KATNIP: variants seen among roughly 807,000 people sequenced by gnomAD.
KATNIP encodes katanin interacting protein, also known as katanin-interacting protein.
Under a neutral mutation model 174.0 loss-of-function variants are expected in KATNIP, and 126 were observed. The observed-to-expected ratio is 0.72, with a 90% CI of 0.63 to 0.84. The LOEUF (loss-of-function observed/expected upper bound fraction) is 0.84, where lower values mean the gene tolerates loss of function less well. Ranked by LOEUF, KATNIP falls within the 40% of genes least tolerant of loss-of-function variation. KATNIP has a pLI of 0.00. For missense variants in KATNIP, 1,958 were observed against 2,109.7 expected, an observed-to-expected ratio of 0.93 and a Z score of 1.41; for synonymous variants, 810 against 835.7, an observed-to-expected ratio of 0.97 and a Z score of 0.53.
At chr16:27,712,162 C>T (rs1435236906) in intron 13 of KATNIP, among the ~76,000 whole-genome samples, 3 of 152,272 alleles carry the variant, frequency 2.0e-5, no homozygotes, top group South Asian at 2.1e-4. Flanking sequence ...TGATGGTCCA[C>T]GGTTTTGGTG....
intron 1 of KATNIP, among the ~76,000 whole-genome samples, chr16:27,554,466 AG>A (rs1296431303): frequency 2.0e-5 from 3 of 152,336 alleles, no homozygotes; most frequent in South Asian, 2.1e-4. Flanking sequence ...CTGTCTCAAA[AG>A]AAAAAAAATT....
At chr16:27,550,481 A>G (rs1413219957) in intron 1 of KATNIP, among the ~76,000 whole-genome samples, 3 of 152,050 alleles carry the variant, frequency 2.0e-5, no homozygotes, top group African/African-American at 7.3e-5. Flanking sequence ...GGTCTTGTGA[A>G]TGTTGGGATG....
chr16:27,608,580 C>T (rs1377966714), intron 2 of KATNIP, among the ~76,000 whole-genome samples: 2 of 151,462 alleles, frequency 1.3e-5, no homozygotes, highest in Non-Finnish European at 2.9e-5. Flanking sequence ...TCTGGTGGCA[C>T]GGTCATAGCT....
chr16:27,778,593 C>G lies in KATNIP; in HGVS notation c.4821C>G (p.Cys1607Trp). 1.2e-6 allele frequency: 2 copies of G among 1,613,844 alleles called. No homozygotes were observed. Among genetic ancestry groups the G allele is most frequent in the Non-Finnish European group, 1.7e-6 (2 of 1,179,850 alleles). The part of the protein sequence containing the change: ...VVDPALRPKT[C>W]ISEKETRRRR... ...TGACAGCCTTACGTCCCAAAACCTG[C>G]ATCAGCGAGAAGGAGACGAGACGAC... Residue 1607 changes from cysteine to tryptophan, a missense_variant, in exon 28 of 28, where the codon TGC (cysteine) becomes TGG (tryptophan). Physicochemically the swap from Cys to Trp is radical, Grantham distance 215. Transcript: ENST00000261588.
In KATNIP at chr16:27,766,571, C is replaced by A. The variant is rs1323544505; in HGVS notation, c.3975+97C>A. Reference sequence around the variant, plus strand: ...GCAGCCAGAGAGGAGCATAAATCCTCCAGAATTTTCCAAACGGAGCTGGGG... The same window carrying A: ...GCAGCCAGAGAGGAGCATAAATCCTACAGAATTTTCCAAACGGAGCTGGGG... On this transcript the variant is annotated intron_variant, in intron 20 of 27. Transcript: ENST00000261588. 17 of 1,286,788 alleles carry A rather than the reference C, an allele frequency of 1.3e-5. No individual in the cohort carries two copies. In the East Asian group the frequency reaches 4.1e-4, roughly 31 times the overall value. 79.7% of individuals were successfully genotyped at this position (1,286,788 alleles called of 1,614,324 possible). A position where few individuals can be genotyped will look rare whatever the true frequency, so the allele number is the denominator to read the frequency against.
chr16:27,562,837 A>G (rs758686404), intron 1 of KATNIP, among the ~76,000 whole-genome samples: 4 of 152,262 alleles, frequency 2.6e-5, no homozygotes, highest in Non-Finnish European at 2.9e-5. Flanking sequence ...TTTTCCAATT[A>G]TCTTCAATGG....
At chr16:27,628,893 T>G (rs1596989762) in intron 4 of KATNIP, 63 bp downstream of exon 4, 4 of 1,540,620 alleles carry the variant, frequency 2.6e-6, no homozygotes, top group Non-Finnish European at 3.6e-6. Flanking sequence ...AGGGGCAGGG[T>G]GCAGTGGCTC....
intron 7 of KATNIP, among the ~76,000 whole-genome samples, chr16:27,680,295 C>T (rs754654243): frequency 6.6e-6 from 1 of 152,090 alleles, no homozygotes; most frequent in Non-Finnish European, 1.5e-5. Flanking sequence ...AATGGTCCCA[C>T]GTGGGACCCA....
chr16:27,623,123 C>T (rs547889362), intron 3 of KATNIP, among the ~76,000 whole-genome samples: 1 of 152,260 alleles, frequency 6.6e-6, no homozygotes, highest in South Asian at 2.1e-4. Context: ...TCCAAGGAGC[C>T]CCCAGTTGCG....
At chr16:27,558,170 G>C (rs748927650) in intron 1 of KATNIP, among the ~76,000 whole-genome samples, 1 of 152,100 alleles carries the variant, frequency 6.6e-6, no homozygotes, top group Non-Finnish European at 1.5e-5. Flanking sequence ...TTTTTAGATA[G>C]AGTCTTGTTC....
intron 2 of KATNIP, among the ~76,000 whole-genome samples, chr16:27,585,610 C>T (rs901098226): frequency 3.3e-5 from 5 of 152,172 alleles, no homozygotes; most frequent in Non-Finnish European, 7.4e-5. Flanking sequence ...GAGATCCTGT[C>T]ATTTGCAACA....
intron 18 of KATNIP, among the ~76,000 whole-genome samples, chr16:27,756,978 A>G (rs1267084610): frequency 2.0e-5 from 3 of 152,196 alleles, no homozygotes; most frequent in African/African-American, 7.2e-5. Flanking sequence ...ATGAAAGACA[A>G]CTTCTGTTTT....
intron 3 of KATNIP, among the ~76,000 whole-genome samples, chr16:27,620,250 G>A (rs1291006598): frequency 6.6e-6 from 1 of 152,222 alleles, no homozygotes; most frequent in Admixed American, 6.5e-5. Flanking sequence ...TTAGAAGGTA[G>A]AGCTGGAAAG....
At chr16:27,716,814 GAATGCTACGTA>G (rs1268342073) in intron 13 of KATNIP, among the ~76,000 whole-genome samples, 1 of 151,936 alleles carries the variant, frequency 6.6e-6, no homozygotes, top group Non-Finnish European at 1.5e-5. Flanking sequence ...GTCGTTTCAA[GAATGCTACGTA>G]AATGGAATCA....
intron 2 of KATNIP, among the ~76,000 whole-genome samples, chr16:27,596,328 A>G (rs915168392): frequency 2.0e-5 from 3 of 152,090 alleles, no homozygotes; most frequent in African/African-American, 7.2e-5. Context: ...GAAAAAAAAC[A>G]AGACCTCTAA....
intron 2 of KATNIP, among the ~76,000 whole-genome samples, chr16:27,576,655 CAAAA>C (rs527668388): frequency 2.7e-5 from 4 of 149,970 alleles, no homozygotes; most frequent in Non-Finnish European, 4.5e-5. Flanking sequence ...CAAAACAAAA[CAAAA>C]AAAAACAGCA....
intron 16 of KATNIP, 63 bp downstream of exon 16, chr16:27,750,369 G>GA (rs2081460512): frequency 1.3e-6 from 2 of 1,505,150 alleles, no homozygotes; most frequent in Non-Finnish European, 1.8e-6. Context: ...GAGTCTATGG[G>GA]AAAAAACAGA....
intron 6 of KATNIP, 120 bp from the exon 7 acceptor site, chr16:27,677,609 A>G (rs2078170413): frequency 1.9e-6 from 2 of 1,054,058 alleles, no homozygotes; most frequent in Admixed American, 2.7e-5. Flanking sequence ...AAGGGTTGAG[A>G]TAATATTGTT....
chr16:27,673,349 A>G (rs1187903639), intron 6 of KATNIP, among the ~76,000 whole-genome samples: 1 of 152,116 alleles, frequency 6.6e-6, no homozygotes, highest in African/African-American at 2.4e-5. Context: ...TCGCCTAGGA[A>G]CTCATGTTGC....
Sources: gnomAD v4.1 joint callset for allele counts (sites outside exome capture counted in the v4.1 genomes callset) on GRCh38, gnomAD v4.1.1 for gene constraint, MANE v1.5 for transcripts, NCBI Gene and HGNC (gene_info 2026-07-23, HGNC 2026-07-21) for gene names.